The following NDST4 variants were observed in gnomAD, a reference collection of about 807,000 sequenced individuals.
NDST4 encodes N-heparan sulfate sulfotransferase 4.
NDST4 carries 63 observed loss-of-function variants against 100.8 expected under a neutral mutation model. The ratio of observed to expected loss-of-function variants is 0.62; its 90% CI spans 0.51 to 0.77. NDST4 has a LOEUF of 0.77. NDST4 is among the 30% of genes least tolerant of loss of function. The pLI is 0.00. For synonymous variants in NDST4, 377 were observed against 361.8 expected (o/e 1.04, Z -0.48); for missense variants, 943 against 1,018.4 (o/e 0.93, Z 1.01).
chr4:114,881,484 G>GA (rs147317649), intron 6 of NDST4, among the ~76,000 whole-genome samples: 206 of 152,118 alleles, frequency 1.4e-3, no homozygotes, highest in African/African-American at 4.6e-3. Context: ...GAGAGGAACA[G>GA]AAACCTCAAA....
At chr4:114,973,069 A>C (rs1340794970) in intron 3 of NDST4, among the ~76,000 whole-genome samples, 1 of 152,020 alleles carries the variant, frequency 6.6e-6, no homozygotes, top group African/African-American at 2.4e-5. Context: ...TTGACACTGG[A>C]AACAGCTTAA....
intron 4 of NDST4, among the ~76,000 whole-genome samples, chr4:114,939,740 A>T (rs1725708049): frequency 6.6e-6 from 1 of 152,164 alleles, no homozygotes; most frequent in South Asian, 2.1e-4. Context: ...GGGCAGTAAA[A>T]AAAAGTTACT....
At chr4:115,051,313 G>T (rs1383002) in intron 2 of NDST4, among the ~76,000 whole-genome samples, 24,791 of 150,954 alleles carry the variant, frequency 0.16, 2,450 homozygotes, top group East Asian at 0.45. Flanking sequence ...TTTTTATAGC[G>T]GTAAAATATA....
chr4:114,903,382 G>T (rs938833750), intron 6 of NDST4, among the ~76,000 whole-genome samples: 1 of 151,996 alleles, frequency 6.6e-6, no homozygotes, highest in Admixed American at 6.6e-5. Context: ...AGCTTCTGGA[G>T]GTAAAAGTTA....
At chr4:115,071,435 A>C (rs1729076365) in intron 2 of NDST4, among the ~76,000 whole-genome samples, 1 of 152,058 alleles carries the variant, frequency 6.6e-6, no homozygotes, top group Non-Finnish European at 1.5e-5. Context: ...TACAAACATA[A>C]CCAAGATTTT....
At chr4:114,995,765 T>C (rs1727145393) in intron 2 of NDST4, among the ~76,000 whole-genome samples, 1 of 152,132 alleles carries the variant, frequency 6.6e-6, no homozygotes, top group South Asian at 2.1e-4. Context: ...TAACTTACTA[T>C]GCAAAAAACT....
At chr4:115,087,404 G>C (rs1021529072) in intron 1 of NDST4, among the ~76,000 whole-genome samples, 3 of 151,976 alleles carry the variant, frequency 2.0e-5, no homozygotes, top group African/African-American at 7.2e-5. Context: ...GCAAATTCAA[G>C]TATTTCTCTT....
intron 4 of NDST4, 129 bp from the exon 5 acceptor site, chr4:114,937,632 G>GTAGAGGTT: frequency 1.1e-5 from 8 of 731,312 alleles, no homozygotes; most frequent in Non-Finnish European, 1.5e-5. Context: ...ATCCAGCAAG[G>GTAGAGGTT]TAGAGGTTTT....
In NDST4 at chr4:114,845,965, G is replaced by A. The variant is rs758405457; in HGVS notation, c.1973C>T (p.Thr658Ile). The change falls in exon 10 of 14, where the codon ACT becomes ATT. Residue 658 changes from threonine (T) to isoleucine (I), a missense_variant. Thr to Ile is a moderately conservative substitution (Grantham distance 89). Around this residue, in one of 2 missense-constraint regions of NDST4, gnomAD observed 526 missense variants for 634.1 expected, o/e 0.83. Coordinates refer to ENST00000264363, the MANE Select transcript of NDST4 (RefSeq NM_022569.3). Reference sequence around the variant, plus strand: ...CTTTTCAAACAGAAAGTCACTTGTAGTATTGGATGGTGTAGGGAAAAAGTC... The same window carrying A: ...CTTTTCAAACAGAAAGTCACTTGTAATATTGGATGGTGTAGGGAAAAAGTC... ...YMDFFPTPSN[T>I]TSDFLFEKSA... 3.1e-6 allele frequency: 5 copies of A among 1,613,206 alleles called. No homozygotes were observed. The East Asian group carries it at 1.1e-4, about 36-fold the overall frequency.
chr4:115,035,464 T>C (rs1728213440), intron 2 of NDST4, among the ~76,000 whole-genome samples: 1 of 151,926 alleles, frequency 6.6e-6, no homozygotes, highest in Non-Finnish European at 1.5e-5. Flanking sequence ...AGAGAAACAC[T>C]ATGAATGGCA....
Position 114,845,925 on chromosome 4 carries a change from G to A in NDST4, c.2013C>T (p.Phe671=), listed in dbSNP as rs1302959897. The change falls in exon 10 of 14, where the codon TTC becomes TTT. Residue 671 remains phenylalanine (F), a synonymous_variant. Coordinates refer to ENST00000264363, the MANE Select transcript of NDST4 (RefSeq NM_022569.3). The stretch of plus-strand genomic sequence containing the variant: ...CTCGTCTTGGAGCTTCTTCCGAATG[G>A]AAGTAATTAGCACTCTTTTCAAACA... ...DFLFEKSANY[F]HSEEAPRRAA... 1.9e-6 allele frequency: 3 copies of A among 1,613,868 alleles called. No individual in the cohort carries two copies. Among genetic ancestry groups the A allele is most frequent in the Non-Finnish European group, 2.5e-6 (3 of 1,179,892 alleles).
chr4:115,012,080 A>G (rs891425014), intron 2 of NDST4, among the ~76,000 whole-genome samples: 1 of 151,948 alleles, frequency 6.6e-6, no homozygotes, highest in African/African-American at 2.4e-5. Flanking sequence ...AGGGTCTTAG[A>G]GCTGATAAAT....
intron 10 of NDST4, chr4:114,842,845 A>G (rs898181328): frequency 6.4e-6 from 1 of 155,888 alleles, no homozygotes; most frequent in African/African-American, 2.4e-5. Flanking sequence ...TGTTTTCAGT[A>G]ATTACTGAAT....
intron 3 of NDST4, among the ~76,000 whole-genome samples, 173 bp downstream of exon 3, chr4:114,977,014 A>G (rs1248214080): frequency 6.6e-6 from 1 of 151,120 alleles, no homozygotes; most frequent in African/African-American, 2.5e-5. Flanking sequence ...TTGATTTTAA[A>G]CAGTATTTGC....
intron 2 of NDST4, among the ~76,000 whole-genome samples, chr4:115,032,860 T>C (rs1461785729): frequency 6.6e-6 from 1 of 151,986 alleles, no homozygotes; most frequent in Non-Finnish European, 1.5e-5. Context: ...CAAGACATAC[T>C]GTTTTGTTCA....
intron 1 of NDST4, among the ~76,000 whole-genome samples, chr4:115,090,056 A>C (rs1360279838): frequency 6.6e-6 from 1 of 151,848 alleles, no homozygotes; most frequent in Non-Finnish European, 1.5e-5. Context: ...GTATTATTTA[A>C]AAGTCTCAGC....
chr4:114,901,577 C>T (rs1724839278), intron 6 of NDST4, among the ~76,000 whole-genome samples: 3 of 151,856 alleles, frequency 2.0e-5, no homozygotes, highest in South Asian at 4.2e-4. Context: ...GTTTTTTTAT[C>T]CACTCTGACA....
At position 115,077,291 on chromosome 4, in the gene NDST4, G is replaced by A; in HGVS notation, c.-246-9C>T. 1 of 256,278 alleles carries A rather than the reference G, an allele frequency of 3.9e-6. No individual in the cohort carries two copies. The highest frequency in any genetic ancestry group is 7.4e-6 in the Non-Finnish European group (1 of 135,536). The allele number at this position is 256,278 out of a possible 1,614,324, so 15.9% of individuals were successfully genotyped here. ...AATCCTCTAAGCATAATCTGAAAGA[G>A]AGGAGAGATGTAATAACTAAGATAA... On this transcript the variant is annotated splice_polypyrimidine_tract_variant and intron_variant, in intron 1 of 13. Transcript: ENST00000264363.
chr4:114,904,952 G>A (rs1243242182), intron 6 of NDST4, among the ~76,000 whole-genome samples: 1 of 151,820 alleles, frequency 6.6e-6, no homozygotes, highest in Non-Finnish European at 1.5e-5. Context: ...TTTGGTAATG[G>A]ATTATTGAGT....
Sources: gnomAD v4.1 joint callset for allele counts (sites outside exome capture counted in the v4.1 genomes callset) on GRCh38, gnomAD v4.1.1 for gene constraint, gnomAD v4.1.1 regional missense constraint, MANE v1.5 for transcripts, NCBI Gene and HGNC (gene_info 2026-07-23, HGNC 2026-07-21) for gene names.